Variants in MRPS11 observed in about 807,000 individuals in gnomAD.
MRPS11 encodes the protein mitochondrial ribosomal protein S11, also known as small ribosomal subunit protein uS11m.
A neutral mutation model predicts 24.3 loss-of-function variants in MRPS11; 27 were observed. The ratio of observed to expected loss-of-function variants is 1.11; its 90% CI spans 0.82 to 1.53. The LOEUF (loss-of-function observed/expected upper bound fraction) is 1.53. MRPS11 is among the 40% of genes most tolerant of loss of function. The pLI, the probability that MRPS11 is intolerant of heterozygous loss-of-function variation, is 0.00. For missense variants in MRPS11, 277 were observed against 256.5 expected (o/e 1.08, Z -0.55); for synonymous variants, 104 against 98.7 (o/e 1.05, Z -0.32).
At chr15:88,474,865 C>T (rs879279419) in intron 3 of MRPS11, among the ~76,000 whole-genome samples, 5 of 152,146 alleles carry the variant, frequency 3.3e-5, no homozygotes, top group Non-Finnish European at 7.3e-5. Flanking sequence ...TAACTAACTA[C>T]TCTCAGATTA....
intron 2 of MRPS11, 177 bp downstream of exon 2, chr15:88,468,201 G>A (rs2142204163): frequency 7.0e-7 from 1 of 1,438,596 alleles, no homozygotes; most frequent in East Asian, 2.5e-5. Flanking sequence ...GCTGAGAGAG[G>A]TTGTGAGAAT....
At position 88,470,786 on chromosome 15, in the gene MRPS11, T is replaced by C. The variant is rs374756702; in HGVS notation, c.183-1841T>C. ...GCAGAGGATAGGAAGAAACAGCAAG[T>C]ATAGTCAGTACCTTAAAGTTCCTTA... On this transcript the variant is annotated intron_variant, in intron 2 of 5. Transcript: ENST00000325844. Among the ~76,000 whole-genome samples the C allele has an allele frequency of 3.3e-5, 5 of 152,222 alleles. No individual in the cohort carries two copies. In the East Asian group the frequency reaches 9.6e-4, roughly 29 times the overall value.
At chr15:88,470,516 G>A (rs1341174195) in intron 2 of MRPS11, among the ~76,000 whole-genome samples, 1 of 152,196 alleles carries the variant, frequency 6.6e-6, no homozygotes, top group East Asian at 1.9e-4. Context: ...AGACTAGGAA[G>A]AACCATCAGA....
chr15:88,472,794 C>T (rs1327388116), intron 3 of MRPS11, 69 bp downstream of exon 3: 1 of 1,352,308 alleles, frequency 7.4e-7, no homozygotes, highest in Admixed American at 1.9e-5. Flanking sequence ...GAAAGTCAGG[C>T]TTGGCCCTGA....
In MRPS11 at chr15:88,472,661, C is replaced by G; in HGVS notation, c.217C>G (p.Leu73Val). The G allele has an allele frequency of 6.2e-7, 1 of 1,614,086 alleles. No homozygotes were observed. The highest frequency in any genetic ancestry group is 8.5e-7 in the Non-Finnish European group (1 of 1,179,974). The change falls in exon 3 of 6, where the codon CTG becomes GTG. Residue 73 changes from leucine (L) to valine (V), a missense_variant. By Grantham distance (32) the Leu-to-Val change is conservative. Coordinates refer to ENST00000325844, the MANE Select transcript of MRPS11 (RefSeq NM_022839.5). ...TCCCATTCCAGGAGAGGAGAGCTCT[C>G]TGAGGTGGGCAGGAAAGAAATTTGA... ...YPPIPGEESS[L>V]RWAGKKFEEI...
chr15:88,476,129 T>TA (rs1274618040), intron 4 of MRPS11, among the ~76,000 whole-genome samples: 1 of 152,174 alleles, frequency 6.6e-6, no homozygotes, highest in Non-Finnish European at 1.5e-5. Context: ...TTGGTATAGT[T>TA]ATTGAGCATC....
In MRPS11 at chr15:88,479,963, C is replaced by G. The variant is rs1174905751; in HGVS notation, c.*1984C>G. ...TCCTAGAACCTGGCAGGAGCTGCCA[C>G]AGCAGCAGAGTGCACCTCTGCCAAA... On this transcript the variant is annotated 3_prime_UTR_variant, in exon 6 of 6. Transcript: ENST00000325844. 1 of 152,318 alleles carries G rather than the reference C, an allele frequency of 6.6e-6. No individual in the cohort carries two copies. Among genetic ancestry groups the G allele is most frequent in the Non-Finnish European group, 1.5e-5 (1 of 68,096 alleles). The allele number at this position is 152,318 out of a possible 1,614,324, so 9.4% of individuals were successfully genotyped here. A position where few individuals can be genotyped will look rare whatever the true frequency, so the allele number is the denominator to read the frequency against.
intron 2 of MRPS11, chr15:88,468,286 A>G: frequency 1.6e-6 from 2 of 1,280,130 alleles, no homozygotes; most frequent in Non-Finnish European, 2.0e-6. Flanking sequence ...GATATCCATA[A>G]CATGTATCAG....
rs2055894214 is a variant in MRPS11, at chr15:88,479,700, T to C, written c.*1721T>C. The stretch of plus-strand genomic sequence containing the variant: ...ACCGCAAAACTACATATAAACACAA[T>C]GCATTAAAACATGGTGCACTTGAAA... On this transcript the variant is annotated 3_prime_UTR_variant, in exon 6 of 6. Coordinates refer to ENST00000325844, the MANE Select transcript of MRPS11 (RefSeq NM_022839.5). The C allele has an allele frequency of 6.6e-6, 1 of 152,154 alleles. No homozygotes were observed. Among genetic ancestry groups the C allele is most frequent in the Non-Finnish European group, 1.5e-5 (1 of 68,014 alleles). 9.4% of individuals were successfully genotyped at this position (152,154 alleles called of 1,614,324 possible).
In MRPS11 at chr15:88,469,413, C is replaced by G. The variant is rs2055636631; in HGVS notation, c.182+1389C>G. On this transcript the variant is annotated intron_variant, in intron 2 of 5. Transcript: ENST00000325844. The surrounding 1 kb of genome is among the most constrained non-coding windows in gnomAD (Gnocchi z 4.4). ...TATCCCTGACCAAACAGACAAAAAG[C>G]CCTGCCCTCATAGAACTTAAATTCC... Among the ~76,000 whole-genome samples, 1 of 152,234 alleles carries G rather than the reference C, an allele frequency of 6.6e-6. No homozygotes were observed. The highest frequency in any genetic ancestry group is 1.5e-5 in the Non-Finnish European group (1 of 68,046).
intron 3 of MRPS11, among the ~76,000 whole-genome samples, chr15:88,473,785 T>G (rs1405534725): frequency 1.3e-5 from 2 of 152,192 alleles, no homozygotes; most frequent in African/African-American, 2.4e-5. Context: ...CTCTCAGAGC[T>G]CTCCAGACCA....
rs2055634893 is a variant in MRPS11, at chr15:88,469,369, G to A, written c.182+1345G>A. ...CATTTCTTCAACAATGCCAGGCACT[G>A]TTCAGAGTGTTGGGGATATATCCCT... On this transcript the variant is annotated intron_variant, in intron 2 of 5. Transcript: ENST00000325844. This position sits in a 1 kb window ranked among gnomAD's most constrained non-coding sequence, Gnocchi z 4.4. Among the ~76,000 whole-genome samples the A allele has an allele frequency of 6.6e-6, 1 of 152,228 alleles. No homozygotes were observed. Among genetic ancestry groups the A allele is most frequent in the African/African-American group, 2.4e-5 (1 of 41,456 alleles).
chr15:88,477,859 C>T lies in MRPS11; in HGVS notation c.478-13C>T, dbSNP rs775631874. The T allele has an allele frequency of 4.7e-5, 76 of 1,610,652 alleles. No homozygotes were observed. The highest frequency in any genetic ancestry group is 5.9e-5 in the Non-Finnish European group (69 of 1,177,034). Reference sequence around the variant, plus strand: ...GGACCATGTCATTCTACTTTTCCTTCTGTTCCTTCCAGTCTGCCATGCACG... The same window carrying T: ...GGACCATGTCATTCTACTTTTCCTTTTGTTCCTTCCAGTCTGCCATGCACG... On this transcript the variant is annotated splice_polypyrimidine_tract_variant and intron_variant, in intron 5 of 5. Coordinates refer to ENST00000325844, the MANE Select transcript of MRPS11 (RefSeq NM_022839.5). This position sits in a 1 kb window ranked among gnomAD's most constrained non-coding sequence, Gnocchi z 5.7.
chr15:88,475,453 GGTTCATT>G lies in MRPS11; in HGVS notation c.411+215_411+221del, dbSNP rs1298051058. Among the ~76,000 whole-genome samples the G allele has an allele frequency of 3.3e-5, 5 of 152,314 alleles. No homozygotes were observed. The highest frequency in any genetic ancestry group is 9.6e-5 in the African/African-American group (4 of 41,570). On this transcript the variant is annotated intron_variant, in intron 4 of 5. Transcript: ENST00000325844. This position sits in a 1 kb window ranked among gnomAD's most constrained non-coding sequence, Gnocchi z 4.1. ...CTTCATTAGAGGTGAAGCCCTTGTT[GGTTCATT>G]CTAGGATGTAAGAGCCAAGATACCA...
rs1356668036 is a variant in MRPS11 at position 88,475,469 on chromosome 15, T to C, written c.411+230T>C. ...GCCCTTGTTGGTTCATTCTAGGATGTAAGAGCCAAGATACCAAAGGCTTGA... is the reference window on the plus strand; with the variant it reads ...GCCCTTGTTGGTTCATTCTAGGATGCAAGAGCCAAGATACCAAAGGCTTGA... On this transcript the variant is annotated intron_variant, in intron 4 of 5. Coordinates refer to ENST00000325844, the MANE Select transcript of MRPS11 (RefSeq NM_022839.5). This position sits in a 1 kb window ranked among gnomAD's most constrained non-coding sequence, Gnocchi z 4.1. 1.3e-5 allele frequency among the ~76,000 whole-genome samples: 2 copies of C among 152,208 alleles called. No individual in the cohort carries two copies. Among genetic ancestry groups the C allele is most frequent in the African/African-American group, 4.8e-5 (2 of 41,434 alleles).
intron 3 of MRPS11, among the ~76,000 whole-genome samples, chr15:88,473,008 A>G (rs1380057995): frequency 1.3e-5 from 2 of 152,192 alleles, no homozygotes; most frequent in African/African-American, 2.4e-5. Context: ...AGTTGGAAGG[A>G]GTGTATGAGG....
chr15:88,475,221 A>T lies in MRPS11; in HGVS notation c.393A>T (p.Ala131=). 2 of 1,614,258 alleles carry T rather than the reference A, an allele frequency of 1.2e-6. No individual in the cohort carries two copies. Among genetic ancestry groups the T allele is most frequent in the Non-Finnish European group, 1.7e-6 (2 of 1,180,040 alleles). Residue 131 remains alanine, a synonymous_variant, in exon 4 of 6, where the codon GCA becomes GCT. Coordinates refer to ENST00000325844, the MANE Select transcript of MRPS11 (RefSeq NM_022839.5). This position sits in a 1 kb window ranked among gnomAD's most constrained non-coding sequence, Gnocchi z 4.1. ...GCACAGGCATCGCAGCACAGACAGC[A>T]GGCATAGCCGCAGCGGCGGTAAGTG... ...KKGTGIAAQT[A]GIAAAARAKQ...
chr15:88,480,211 C>T lies in MRPS11; in HGVS notation c.*2232C>T, dbSNP rs2055904189. 6.6e-6 allele frequency: 1 copy of T among 152,198 alleles called. No individual in the cohort carries two copies. The highest frequency in any genetic ancestry group is 2.1e-4 in the South Asian group (1 of 4,824). The allele number at this position is 152,198 out of a possible 1,614,324, so 9.4% of individuals were successfully genotyped here. On this transcript the variant is annotated 3_prime_UTR_variant, in exon 6 of 6. Transcript: ENST00000325844. The surrounding 1 kb of genome is among the most constrained non-coding windows in gnomAD (Gnocchi z 5.1). ...GTGGCTTCTGTAAGTCCTCCATACACCATAGGTTTTTATTTTGGTTTTGGT... is the reference window on the plus strand; with the variant it reads ...GTGGCTTCTGTAAGTCCTCCATACATCATAGGTTTTTATTTTGGTTTTGGT...
chr15:88,469,560 G>A lies in MRPS11; in HGVS notation c.182+1536G>A, dbSNP rs1456538439. ...TCTGTAGGACTTTGTAGGCCGTTGT[G>A]AGGACTTCAGCTTTTACTGTGAATG... On this transcript the variant is annotated intron_variant, in intron 2 of 5. Coordinates refer to ENST00000325844, the MANE Select transcript of MRPS11 (RefSeq NM_022839.5). This position sits in a 1 kb window ranked among gnomAD's most constrained non-coding sequence, Gnocchi z 4.4. Among the ~76,000 whole-genome samples, 3 of 152,198 alleles carry A rather than the reference G, an allele frequency of 2.0e-5. No homozygotes were observed. Among genetic ancestry groups the A allele is most frequent in the Non-Finnish European group, 2.9e-5 (2 of 68,040 alleles).
Sources: gnomAD v4.1 joint callset for allele counts (sites outside exome capture counted in the v4.1 genomes callset) on GRCh38, gnomAD v4.1.1 for gene constraint, Gnocchi (gnomAD v3.1) non-coding constraint, MANE v1.5 for transcripts, NCBI Gene and HGNC (gene_info 2026-07-23, HGNC 2026-07-21) for gene names.